The following LSAMP variants were observed in gnomAD, a reference collection of about 807,000 sequenced individuals.
The protein encoded by LSAMP is limbic system-associated membrane protein.
Under a neutral mutation model 38.6 loss-of-function variants are expected in LSAMP, and 7 were observed. The observed-to-expected ratio is 0.18, with a 90% confidence interval of 0.10 to 0.34. The LOEUF is 0.34. Ranked by LOEUF, LSAMP falls within the 10% of genes least tolerant of loss-of-function variation. The pLI is 1.00. For synonymous variants in LSAMP, 154 were observed against 166.8 expected (o/e 0.92, Z 0.59); for missense variants, 313 against 420.0 (o/e 0.75, Z 2.23).
chr3:116,176,471 TCTTA>T (rs1466515875), intron 1 of LSAMP, among the ~76,000 whole-genome samples: 3 of 152,146 alleles, frequency 2.0e-5, no homozygotes, highest in African/African-American at 4.8e-5. Context: ...GCTGCCATGA[TCTTA>T]CTTGTCAAAG....
intron 3 of LSAMP, among the ~76,000 whole-genome samples, chr3:115,944,489 T>C (rs1330746414): frequency 6.6e-6 from 1 of 152,080 alleles, no homozygotes; most frequent in East Asian, 1.9e-4. Context: ...AAAAAACAAA[T>C]GGTGGGTTTG....
At chr3:115,900,383 C>T (rs1936842594) in intron 3 of LSAMP, among the ~76,000 whole-genome samples, 1 of 151,892 alleles carries the variant, frequency 6.6e-6, no homozygotes, top group South Asian at 2.1e-4. Flanking sequence ...GGTGTGGTGG[C>T]CCATGCCTGC....
chr3:115,866,226 C>T (rs1277993548), intron 3 of LSAMP, among the ~76,000 whole-genome samples: 1 of 151,924 alleles, frequency 6.6e-6, no homozygotes, highest in Non-Finnish European at 1.5e-5. Context: ...GATTGATCCT[C>T]ATTTGCCTAC....
At chr3:116,185,634 C>T (rs1429841274) in intron 1 of LSAMP, among the ~76,000 whole-genome samples, 4 of 152,054 alleles carry the variant, frequency 2.6e-5, no homozygotes, top group Admixed American at 2.0e-4. Flanking sequence ...TACCTTTTCT[C>T]CTTCAAGCCA....
intron 1 of LSAMP, among the ~76,000 whole-genome samples, chr3:116,372,178 T>C (rs1392024916): frequency 6.6e-6 from 1 of 151,946 alleles, no homozygotes; most frequent in African/African-American, 2.4e-5. Context: ...ACTTACTACA[T>C]AGCTATAGTA....
chr3:116,118,801 ATTT>A (rs1708810866), intron 1 of LSAMP, among the ~76,000 whole-genome samples: 1 of 152,226 alleles, frequency 6.6e-6, no homozygotes, highest in Admixed American at 6.5e-5. Context: ...TCCAAATTTA[ATTT>A]TTATTTTTTA....
chr3:116,409,198 T>A lies in LSAMP; in HGVS notation c.155+35679A>T, dbSNP rs574591174. 6.6e-4 allele frequency among the ~76,000 whole-genome samples: 100 copies of A among 152,126 alleles called. 1 individual carries two copies. Among genetic ancestry groups the A allele is most frequent in the African/African-American group, 2.3e-3 (94 of 41,530 alleles). ...CTACCAGCTGTTTGTTTAAGCATTTTCCCTCTGCATCCATCAGGGATGATG... is the reference window on the plus strand; with the variant it reads ...CTACCAGCTGTTTGTTTAAGCATTTACCCTCTGCATCCATCAGGGATGATG... On this transcript the variant is annotated intron_variant, in intron 1 of 6. Transcript: ENST00000490035.
At chr3:115,976,938 A>G (rs9841923) in intron 3 of LSAMP, among the ~76,000 whole-genome samples, 22,323 of 152,122 alleles carry the variant, frequency 0.15, 1,892 homozygotes, top group Non-Finnish European at 0.2. Flanking sequence ...AGTTCTTTGT[A>G]GCAATGTGAG....
At chr3:116,434,755 T>A (rs1310172226) in intron 1 of LSAMP, among the ~76,000 whole-genome samples, 1 of 152,142 alleles carries the variant, frequency 6.6e-6, no homozygotes, top group Non-Finnish European at 1.5e-5. Context: ...TGCCACCACA[T>A]TGGCCAGGAT....
chr3:116,043,905 C>T (rs1279110235), intron 2 of LSAMP, among the ~76,000 whole-genome samples: 3 of 152,116 alleles, frequency 2.0e-5, no homozygotes, highest in African/African-American at 7.2e-5. Context: ...AAGATCGCGC[C>T]GCTGCACTCC....
At chr3:116,173,519 C>T (rs1046428674) in intron 1 of LSAMP, among the ~76,000 whole-genome samples, 1 of 152,006 alleles carries the variant, frequency 6.6e-6, no homozygotes, top group Admixed American at 6.6e-5. Flanking sequence ...CATTTTCTGT[C>T]ACCTTCTGTT....
At chr3:116,378,575 T>G (rs150073488) in intron 1 of LSAMP, among the ~76,000 whole-genome samples, 3 of 152,186 alleles carry the variant, frequency 2.0e-5, no homozygotes, top group Non-Finnish European at 2.9e-5. Context: ...AATTAATTAT[T>G]TCAACAAGTA....
At chr3:116,160,829 C>T (rs1303611451) in intron 1 of LSAMP, among the ~76,000 whole-genome samples, 1 of 152,176 alleles carries the variant, frequency 6.6e-6, no homozygotes, top group African/African-American at 2.4e-5. Context: ...TTTAAGGCTA[C>T]ACCTTAGAGA....
At chr3:116,054,413 G>C (rs1166841264) in intron 2 of LSAMP, among the ~76,000 whole-genome samples, 2 of 152,070 alleles carry the variant, frequency 1.3e-5, no homozygotes, top group Admixed American at 6.6e-5. Context: ...CTCCAGCGTG[G>C]GGGCATTATT....
At chr3:116,032,830 ATAAT>A (rs1940958659) in intron 2 of LSAMP, among the ~76,000 whole-genome samples, 2 of 152,104 alleles carry the variant, frequency 1.3e-5, no homozygotes, top group African/African-American at 4.8e-5. Flanking sequence ...TAATAAATAA[ATAAT>A]TGATAACTGA....
At chr3:115,863,958 T>C (rs1265386985) in intron 3 of LSAMP, among the ~76,000 whole-genome samples, 1 of 152,186 alleles carries the variant, frequency 6.6e-6, no homozygotes, top group Admixed American at 6.5e-5. Context: ...AGCAAGTTGA[T>C]ATTATATAAA....
At chr3:116,098,888 G>A (rs1373306711) in intron 1 of LSAMP, among the ~76,000 whole-genome samples, 2 of 152,208 alleles carry the variant, frequency 1.3e-5, no homozygotes, top group African/African-American at 4.8e-5. Flanking sequence ...AAGAGCTGAT[G>A]AGTTTGAAAT....
At chr3:116,404,462 A>C (rs1407283730) in intron 1 of LSAMP, among the ~76,000 whole-genome samples, 1 of 152,122 alleles carries the variant, frequency 6.6e-6, no homozygotes, top group Non-Finnish European at 1.5e-5. Context: ...CCTTACATAG[A>C]ATATATGCAC....
At chr3:115,819,627 T>C (rs1340532598) in intron 6 of LSAMP, among the ~76,000 whole-genome samples, 1 of 152,104 alleles carries the variant, frequency 6.6e-6, no homozygotes, top group African/African-American at 2.4e-5. Context: ...AAGAAGCATA[T>C]AAAAAATTCC....
Sources: allele counts gnomAD v4.1 joint callset (sites outside exome capture counted in the v4.1 genomes callset), GRCh38; gene constraint gnomAD v4.1.1; transcripts MANE v1.5; gene names NCBI Gene and HGNC (gene_info 2026-07-23, HGNC 2026-07-21).